Variants in TLN2 observed in about 807,000 individuals in gnomAD.
TLN2 encodes talin-2.
In TLN2, 118 loss-of-function variants were observed where a neutral mutation model predicts 294.7. That is an observed-to-expected ratio of 0.40 (90% CI 0.34 to 0.47). The LOEUF (loss-of-function observed/expected upper bound fraction) is 0.47. TLN2 is among the 20% of genes least tolerant of loss of function. The probability of loss-of-function intolerance (pLI) is 0.84; values close to 1 mark genes in which losing one functional copy is unlikely to be tolerated. For missense variants in TLN2, 3,083 were observed against 3,282.2 expected (o/e 0.94, Z 1.48); for synonymous variants, 1,431 against 1,304.5 (o/e 1.10, Z -2.09).
chr15:62,835,690 C>T (rs1376042731), intron 55 of TLN2, 47 bp from the exon 56 acceptor site: 1 of 1,606,984 alleles, frequency 6.2e-7, no homozygotes, highest in East Asian at 2.2e-5. Flanking sequence ...GCTGCGACCA[C>T]TGGGGCTGCC....
chr15:62,832,719 G>A (rs944547551), intron 54 of TLN2: 1 of 147,286 alleles, frequency 6.8e-6, no homozygotes, highest in Non-Finnish European at 1.5e-5. Context: ...TTTCACCACT[G>A]GGCAATGTGT....
intron 1 of TLN2, chr15:62,453,533 A>G (rs761744519): frequency 2.0e-5 from 3 of 152,156 alleles, no homozygotes; most frequent in Non-Finnish European, 4.4e-5. Context: ...GCCCCTGGCC[A>G]TGGTTTATGT....
chr15:62,579,949 G>A (rs2044776290), intron 1 of TLN2, among the ~76,000 whole-genome samples: 1 of 152,158 alleles, frequency 6.6e-6, no homozygotes, highest in African/African-American at 2.4e-5. Flanking sequence ...TGCAGCACCT[G>A]TTCAACCCGA....
intron 1 of TLN2, among the ~76,000 whole-genome samples, chr15:62,495,637 G>A (rs1245624867): frequency 1.3e-5 from 2 of 152,252 alleles, no homozygotes; most frequent in African/African-American, 2.4e-5. Context: ...GAAAGTAGAT[G>A]TAGGAAAATT....
chr15:62,713,271 C>T (rs369169702), intron 22 of TLN2, among the ~76,000 whole-genome samples: 364 of 111,502 alleles, frequency 3.3e-3, no homozygotes, highest in African/African-American at 0.012. Context: ...ACCTGCGTCT[C>T]AAAAAAAAAA....
At chr15:62,618,947 G>A (rs529174171) in intron 3 of TLN2, among the ~76,000 whole-genome samples, 99 of 152,288 alleles carry the variant, frequency 6.5e-4, no homozygotes, top group Non-Finnish European at 1.2e-3. Flanking sequence ...ACTAGTTTAC[G>A]GGACTGAATA....
chr15:62,666,842 T>C (rs1322765180), intron 9 of TLN2, among the ~76,000 whole-genome samples: 1 of 152,240 alleles, frequency 6.6e-6, no homozygotes, highest in Admixed American at 6.5e-5. Context: ...CAGCCCACTG[T>C]GTCAGTGGTT....
chr15:62,807,570 A>G (rs1314873057), intron 51 of TLN2, among the ~76,000 whole-genome samples: 1 of 152,164 alleles, frequency 6.6e-6, no homozygotes, highest in African/African-American at 2.4e-5. Flanking sequence ...GGGGAAACTG[A>G]ACAGAAGAGA....
Position 62,805,682 on chromosome 15 carries a change from C to T in TLN2, c.6560C>T (p.Thr2187Ile). ...ATGACGAAAGGCATCACCATGGCAACAGCCAAAGCCGTGGCAGCTGGGAAC... is the reference window on the plus strand; with the variant it reads ...ATGACGAAAGGCATCACCATGGCAATAGCCAAAGCCGTGGCAGCTGGGAAC... ...IRMTKGITMA[T>I]AKAVAAGNSC... Residue 2187 changes from threonine (T) to isoleucine (I), a missense_variant, in exon 51 of 59, where the codon ACA becomes ATA. Coordinates refer to ENST00000636159, the MANE Select transcript of TLN2 (RefSeq NM_015059.3). The T allele has an allele frequency of 6.2e-7, 1 of 1,614,136 alleles. No individual in the cohort carries two copies. Among genetic ancestry groups the T allele is most frequent in the Non-Finnish European group, 8.5e-7 (1 of 1,180,012 alleles).
At chr15:62,798,214 C>G (rs893568541) in intron 48 of TLN2, among the ~76,000 whole-genome samples, 1 of 152,112 alleles carries the variant, frequency 6.6e-6, no homozygotes, top group African/African-American at 2.4e-5. Flanking sequence ...CTGTAGATGG[C>G]CCAGGTGAGA....
At chr15:62,569,697 G>GT (rs1204594484) in intron 1 of TLN2, among the ~76,000 whole-genome samples, 3 of 152,238 alleles carry the variant, frequency 2.0e-5, no homozygotes, top group Non-Finnish European at 4.4e-5. Context: ...GGGAATGGCT[G>GT]TGGAAAACAG....
intron 1 of TLN2, among the ~76,000 whole-genome samples, chr15:62,437,156 T>C (rs2035324900): frequency 6.6e-6 from 1 of 152,232 alleles, no homozygotes; most frequent in Non-Finnish European, 1.5e-5. Flanking sequence ...CATCTCTCAT[T>C]GATTATGAGC....
intron 51 of TLN2, 107 bp from the exon 52 acceptor site, chr15:62,809,818 G>T (rs2066554932): frequency 2.1e-6 from 2 of 970,182 alleles, no homozygotes; most frequent in Non-Finnish European, 3.2e-6. Flanking sequence ...GGGAGTCAGG[G>T]CAGTTTCTTG....
intron 1 of TLN2, among the ~76,000 whole-genome samples, chr15:62,554,042 A>T (rs939584409): frequency 2.6e-5 from 4 of 151,616 alleles, no homozygotes. Flanking sequence ...GATTTCAAGG[A>T]CTCAATTTTC....
At chr15:62,704,028 AC>A (rs2058900121) in intron 19 of TLN2, among the ~76,000 whole-genome samples, 1 of 152,228 alleles carries the variant, frequency 6.6e-6, no homozygotes, top group Admixed American at 6.5e-5. Context: ...TTAAATTGTT[AC>A]AGTTCTGGCC....
intron 54 of TLN2, chr15:62,830,146 G>A (rs1418009953): frequency 3.3e-5 from 5 of 152,266 alleles, no homozygotes; most frequent in Non-Finnish European, 7.3e-5. Flanking sequence ...TGATCCAATT[G>A]TGGAAAGAAT....
At chr15:62,600,645 T>G (rs1322011040) in intron 2 of TLN2, among the ~76,000 whole-genome samples, 1 of 152,192 alleles carries the variant, frequency 6.6e-6, no homozygotes, top group Admixed American at 6.5e-5. Flanking sequence ...CCAGATTTGT[T>G]TATTCATAGT....
At chr15:62,478,508 G>A (rs1316391056) in intron 1 of TLN2, among the ~76,000 whole-genome samples, 1 of 152,050 alleles carries the variant, frequency 6.6e-6, no homozygotes, top group African/African-American at 2.4e-5. Flanking sequence ...AGAGAGAAAG[G>A]GTGTGTTCAT....
At position 62,817,458 on chromosome 15, in the gene TLN2, G is replaced by A. The variant is rs80204537; in HGVS notation, c.6772-2058G>A. On this transcript the variant is annotated intron_variant, in intron 52 of 58. Transcript: ENST00000636159. Reference sequence around the variant, plus strand: ...TAGCAAATATGAAAGAAGTATAAAAGATTATAAGAGGAGGGAAGATGAGGA... The same window carrying A: ...TAGCAAATATGAAAGAAGTATAAAAAATTATAAGAGGAGGGAAGATGAGGA... Among the ~76,000 whole-genome samples the A allele has an allele frequency of 2.8e-4, 43 of 152,326 alleles. 2 individuals carry two copies. The East Asian group carries it at 8.3e-3, about 29-fold the overall frequency.
Sources: allele counts gnomAD v4.1 joint callset (sites outside exome capture counted in the v4.1 genomes callset), GRCh38; gene constraint gnomAD v4.1.1; transcripts MANE v1.5; gene names NCBI Gene and HGNC (gene_info 2026-07-23, HGNC 2026-07-21).